The following CRTC1 variants were observed in gnomAD, a reference collection of about 807,000 sequenced individuals.
The protein encoded by CRTC1 is CREB-regulated transcription coactivator 1.
CRTC1 carries 18 observed loss-of-function variants against 66.1 expected under a neutral mutation model. The ratio of observed to expected loss-of-function variants is 0.27; its 90% CI spans 0.19 to 0.40. The LOEUF (loss-of-function observed/expected upper bound fraction) is 0.40. Among genes scored for constraint, CRTC1 ranks in the 10% least tolerant of loss-of-function variants. The pLI is 1.00. For missense variants in CRTC1, 669 were observed against 887.9 expected, an observed-to-expected ratio of 0.75 and a Z score of 3.13; for synonymous variants, 416 against 398.8, an observed-to-expected ratio of 1.04 and a Z score of -0.51.
intron 1 of CRTC1, among the ~76,000 whole-genome samples, chr19:18,736,864 A>T (rs1351296761): frequency 6.6e-6 from 1 of 152,146 alleles, no homozygotes; most frequent in Non-Finnish European, 1.5e-5. Context: ...GCCGGTTGCC[A>T]TGGCAGTTGC....
At chr19:18,716,772 A>G (rs553290078) in intron 1 of CRTC1, among the ~76,000 whole-genome samples, 1 of 152,298 alleles carries the variant, frequency 6.6e-6, no homozygotes, top group Non-Finnish European at 1.5e-5. Flanking sequence ...TTGAGACCCC[A>G]GTAGGAGGCT....
intron 1 of CRTC1, among the ~76,000 whole-genome samples, chr19:18,698,185 G>A (rs543864324): frequency 4.0e-5 from 6 of 150,020 alleles, no homozygotes; most frequent in Admixed American, 4.0e-4. Flanking sequence ...CACTCAGCAG[G>A]CACACAGTGT....
chr19:18,689,619 A>G (rs1313388821), intron 1 of CRTC1, among the ~76,000 whole-genome samples: 2 of 114,594 alleles, frequency 1.7e-5, no homozygotes, highest in Non-Finnish European at 3.4e-5. Context: ...GACGTTTTTT[A>G]AGTATAAAAT....
At chr19:18,722,027 G>A (rs74756327) in intron 1 of CRTC1, among the ~76,000 whole-genome samples, 3,049 of 152,272 alleles carry the variant, frequency 0.02, 104 homozygotes, top group African/African-American at 0.07. Flanking sequence ...GTGCAGCCGG[G>A]GTCTCAGCAG....
chr19:18,706,448 C>A (rs2053268460), intron 1 of CRTC1, among the ~76,000 whole-genome samples: 2 of 151,642 alleles, frequency 1.3e-5, no homozygotes, highest in African/African-American at 2.4e-5. Flanking sequence ...TCAGATGATC[C>A]CCCCCGCCTT....
chr19:18,722,339 C>G (rs934038054), intron 1 of CRTC1, among the ~76,000 whole-genome samples: 1 of 152,124 alleles, frequency 6.6e-6, no homozygotes, highest in Non-Finnish European at 1.5e-5. Flanking sequence ...TGGAGAGTAT[C>G]CCCCAGACAT....
intron 6 of CRTC1, among the ~76,000 whole-genome samples, chr19:18,754,556 A>T (rs2054443185): frequency 6.6e-6 from 1 of 152,220 alleles, no homozygotes; most frequent in South Asian, 2.1e-4. Context: ...CTTCTTCAGG[A>T]ATTCAATCAT....
intron 6 of CRTC1, among the ~76,000 whole-genome samples, chr19:18,754,887 G>T (rs1386601071): frequency 2.0e-5 from 3 of 152,146 alleles, no homozygotes; most frequent in Non-Finnish European, 1.5e-5. Context: ...GTCGTGGTGA[G>T]TGTGGGTGGT....
chr19:18,704,648 G>A (rs113388590), intron 1 of CRTC1, among the ~76,000 whole-genome samples: 5,455 of 152,144 alleles, frequency 0.036, 346 homozygotes, highest in African/African-American at 0.12. Context: ...GGAGGCAGAG[G>A]TTGCAGTGAG....
At chr19:18,721,246 G>T (rs1165752096) in intron 1 of CRTC1, among the ~76,000 whole-genome samples, 45 of 150,986 alleles carry the variant, frequency 3.0e-4, no homozygotes, top group East Asian at 1.2e-3. Flanking sequence ...CAGGCTGGAG[G>T]GCAGTGGCGC....
intron 1 of CRTC1, among the ~76,000 whole-genome samples, chr19:18,720,065 C>T (rs1374563205): frequency 6.6e-6 from 1 of 152,186 alleles, no homozygotes; most frequent in Non-Finnish European, 1.5e-5. Context: ...GGATCTGTTC[C>T]CCCAGCTACA....
At chr19:18,709,813 C>T (rs967160342) in intron 1 of CRTC1, among the ~76,000 whole-genome samples, 7 of 152,174 alleles carry the variant, frequency 4.6e-5, no homozygotes, top group Non-Finnish European at 8.8e-5. Context: ...AGCTGCCTGG[C>T]GTTCCCTGCC....
At chr19:18,707,417 G>A (rs2053291351) in intron 1 of CRTC1, among the ~76,000 whole-genome samples, 1 of 152,170 alleles carries the variant, frequency 6.6e-6, no homozygotes, top group Admixed American at 6.5e-5. Flanking sequence ...CCATATATGT[G>A]AGGGTTTATT....
At chr19:18,691,758 T>C (rs1041005191) in intron 1 of CRTC1, among the ~76,000 whole-genome samples, 1 of 151,856 alleles carries the variant, frequency 6.6e-6, no homozygotes, top group African/African-American at 2.4e-5. Context: ...CTGTCGCCCA[T>C]GTTGGAGTGC....
At chr19:18,693,762 G>A (rs1030205757) in intron 1 of CRTC1, among the ~76,000 whole-genome samples, 1 of 151,294 alleles carries the variant, frequency 6.6e-6, no homozygotes, top group Non-Finnish European at 1.5e-5. Context: ...TTACAGGCGT[G>A]AGCCACCATT....
chr19:18,690,237 G>T (rs534483660), intron 1 of CRTC1, among the ~76,000 whole-genome samples: 2 of 152,104 alleles, frequency 1.3e-5, no homozygotes, highest in African/African-American at 2.4e-5. Flanking sequence ...CACGGTCAGG[G>T]CTGAAGGAGG....
chr19:18,777,762 C>T lies in CRTC1; in HGVS notation c.*380C>T. Reference sequence around the variant, plus strand: ...CAGGGGAGGGGCGCGCATGGTCCGCCAGGGCTGTGGGCCGTGGCGCATTTT... The same window carrying T: ...CAGGGGAGGGGCGCGCATGGTCCGCTAGGGCTGTGGGCCGTGGCGCATTTT... On this transcript the variant is annotated 3_prime_UTR_variant, in exon 14 of 14. Coordinates refer to ENST00000321949, the MANE Select transcript of CRTC1 (RefSeq NM_015321.3). This position sits in a 1 kb window ranked among gnomAD's most constrained non-coding sequence, Gnocchi z 5.5. 3.0e-6 allele frequency: 1 copy of T among 335,514 alleles called. No individual in the cohort carries two copies. Among genetic ancestry groups the T allele is most frequent in the Non-Finnish European group, 5.5e-6 (1 of 180,722 alleles). 20.8% of individuals were successfully genotyped at this position (335,514 alleles called of 1,614,324 possible). A position where few individuals can be genotyped will look rare whatever the true frequency, so the allele number is the denominator to read the frequency against.
intron 1 of CRTC1, among the ~76,000 whole-genome samples, chr19:18,717,515 C>T (rs1386432803): frequency 6.6e-6 from 1 of 152,104 alleles, no homozygotes; most frequent in Admixed American, 6.5e-5. Flanking sequence ...TCAGAAGGGT[C>T]GTAGTGCTCA....
At chr19:18,775,497 G>A (rs897729959) in intron 12 of CRTC1, 144 bp from the exon 13 acceptor site, 12 of 718,722 alleles carry the variant, frequency 1.7e-5, no homozygotes, top group African/African-American at 3.7e-5. Context: ...AGTGGGGTTC[G>A]TGCTTGGCAG....
Sources: allele counts gnomAD v4.1 joint callset (sites outside exome capture counted in the v4.1 genomes callset), GRCh38; gene constraint gnomAD v4.1.1; non-coding constraint Gnocchi (gnomAD v3.1); transcripts MANE v1.5; gene names NCBI Gene and HGNC (gene_info 2026-07-23, HGNC 2026-07-21).